SNX8: variants seen among roughly 807,000 people sequenced by gnomAD.
SNX8 encodes the protein sorting nexin-8.
In SNX8, 25 loss-of-function variants were observed where a neutral mutation model predicts 51.6. That is an observed-to-expected ratio of 0.48 (90% confidence interval 0.35 to 0.68). The LOEUF (loss-of-function observed/expected upper bound fraction) is 0.68. SNX8 is among the 30% of genes least tolerant of loss of function. The pLI is 0.00. For missense variants in SNX8, 695 were observed against 624.0 expected, an observed-to-expected ratio of 1.11 and a Z score of -1.21; for synonymous variants, 324 against 277.0, an observed-to-expected ratio of 1.17 and a Z score of -1.68.
intron 5 of SNX8, among the ~76,000 whole-genome samples, chr7:2,268,205 G>A (rs1358449671): frequency 7.0e-6 from 1 of 143,490 alleles, no homozygotes; most frequent in African/African-American, 2.7e-5. Flanking sequence ...CCCCATCTGG[G>A]ATGTGAGGAG....
chr7:2,313,529 A>G (rs1360139158), intron 1 of SNX8, among the ~76,000 whole-genome samples: 20 of 117,980 alleles, frequency 1.7e-4, no homozygotes, highest in East Asian at 4.6e-4. Context: ...GTCTCAAAAA[A>G]AAAAAAAAAA....
chr7:2,321,289 G>T (rs958972555), intron 1 of SNX8, among the ~76,000 whole-genome samples: 1 of 152,144 alleles, frequency 6.6e-6, no homozygotes, highest in African/African-American at 2.4e-5. Context: ...TTCATACATC[G>T]TCAGCTCCGC....
At chr7:2,343,707 C>T (rs1778972810) in intron 1 of SNX8, among the ~76,000 whole-genome samples, 1 of 151,584 alleles carries the variant, frequency 6.6e-6, no homozygotes, top group Non-Finnish European at 1.5e-5. Flanking sequence ...GATTATCTTC[C>T]CACTGTAGAA....
exon 1 of SNX8, chr7:2,354,223 T>C (rs752330254): frequency 4.6e-5 from 7 of 152,234 alleles, no homozygotes; most frequent in African/African-American, 7.2e-5. Context: ...CTTCCATACA[T>C]TTTTGTATCG....
chr7:2,283,271 C>CT (rs1554263953), intron 1 of SNX8, among the ~76,000 whole-genome samples: 2 of 152,268 alleles, frequency 1.3e-5, no homozygotes, highest in Non-Finnish European at 2.9e-5. Context: ...GGGACAGACA[C>CT]TGGAGGGTCC....
chr7:2,294,619 T>G (rs1796230793), intron 1 of SNX8, among the ~76,000 whole-genome samples: 1 of 152,062 alleles, frequency 6.6e-6, no homozygotes, highest in South Asian at 2.1e-4. Context: ...GAGCCTAGGC[T>G]CCCTCCCTGG....
intron 1 of SNX8, among the ~76,000 whole-genome samples, chr7:2,308,780 ATTTTT>A (rs755533735): frequency 7.4e-6 from 1 of 136,046 alleles, no homozygotes; most frequent in Non-Finnish European, 1.6e-5. Flanking sequence ...AAATGAACAA[ATTTTT>A]TTTTTTTTTT....
chr7:2,304,572 G>C (rs1796505387), intron 1 of SNX8, among the ~76,000 whole-genome samples: 1 of 151,998 alleles, frequency 6.6e-6, no homozygotes, highest in Non-Finnish European at 1.5e-5. Flanking sequence ...ATCTCCCCAA[G>C]GACAGGGGCA....
chr7:2,264,799 C>T (rs2115104313), intron 5 of SNX8, among the ~76,000 whole-genome samples: 1 of 152,058 alleles, frequency 6.6e-6, no homozygotes, highest in Non-Finnish European at 1.5e-5. Context: ...ACTTTGGAGG[C>T]TGAGGCAGGT....
chr7:2,326,842 A>C lies in SNX8; in HGVS notation c.-66+27380T>G, dbSNP rs186317316. Among the ~76,000 whole-genome samples the C allele has an allele frequency of 1.1e-3, 166 of 152,204 alleles. 2 individuals are homozygous for C. Among genetic ancestry groups the C allele is most frequent in the African/African-American group, 3.8e-3 (158 of 41,530 alleles). On this transcript the variant is annotated intron_variant, in intron 1 of 5. Coordinates refer to the SNX8 transcript ENST00000435336. ...CGCCAGGGGCTGGGCACAGTGGCTC[A>C]CACCTATAATCCCAGCACTTTGGGA...
At chr7:2,302,414 C>A (rs1472987379) in intron 1 of SNX8, among the ~76,000 whole-genome samples, 1 of 152,234 alleles carries the variant, frequency 6.6e-6, no homozygotes, top group Non-Finnish European at 1.5e-5. Context: ...CTCAATGGTG[C>A]CCAGGCTGGA....
intron 1 of SNX8, among the ~76,000 whole-genome samples, chr7:2,312,203 G>A (rs1470666992): frequency 1.3e-5 from 2 of 151,950 alleles, no homozygotes; most frequent in Non-Finnish European, 2.9e-5. Context: ...AAGGGAGGGC[G>A]GTCTCCCAGA....
At chr7:2,316,277 TCACA>T (rs1796755431), upstream of SNX8, among the ~76,000 whole-genome samples, 1 of 132,314 alleles carries the variant, frequency 7.6e-6, no homozygotes, top group African/African-American at 2.9e-5. Flanking sequence ...CTGAATTCAT[TCACA>T]CAACCACTCA....
chr7:2,327,703 G>C (rs1353985649), intron 1 of SNX8, among the ~76,000 whole-genome samples: 1 of 147,220 alleles, frequency 6.8e-6, no homozygotes, highest in African/African-American at 2.5e-5. Flanking sequence ...CATCGCACCC[G>C]GCCTAATTTT....
chr7:2,298,600 C>G (rs1796324308), intron 1 of SNX8, among the ~76,000 whole-genome samples: 2 of 151,686 alleles, frequency 1.3e-5, no homozygotes, highest in South Asian at 4.2e-4. Context: ...GAACTCCTAA[C>G]CTCAGGTGAT....
intron 1 of SNX8, among the ~76,000 whole-genome samples, chr7:2,324,002 C>T (rs915452758): frequency 6.6e-6 from 1 of 151,958 alleles, no homozygotes; most frequent in Non-Finnish European, 1.5e-5. Context: ...TGCTTCTAGT[C>T]CCAGCTACTT....
At chr7:2,304,263 G>A (rs1011707943) in intron 1 of SNX8, among the ~76,000 whole-genome samples, 16 of 151,916 alleles carry the variant, frequency 1.1e-4, no homozygotes, top group Non-Finnish European at 1.9e-4. Flanking sequence ...CCATCTCCCC[G>A]GCCGGGCACG....
chr7:2,292,062 G>A (rs1306365854), intron 1 of SNX8, among the ~76,000 whole-genome samples: 3 of 152,158 alleles, frequency 2.0e-5, no homozygotes, highest in Non-Finnish European at 2.9e-5. Flanking sequence ...TCAGGAGTTC[G>A]ACACCAGCCT....
At chr7:2,312,888 G>A (rs939573633) in intron 1 of SNX8, among the ~76,000 whole-genome samples, 2 of 151,818 alleles carry the variant, frequency 1.3e-5, no homozygotes, top group African/African-American at 2.4e-5. Flanking sequence ...GTTTAGCCTC[G>A]TTTGTTTTGT....
Sources: gnomAD v4.1 joint callset for allele counts (sites outside exome capture counted in the v4.1 genomes callset) on GRCh38, gnomAD v4.1.1 for gene constraint, MANE v1.5 for transcripts, NCBI Gene and HGNC (gene_info 2026-07-23, HGNC 2026-07-21) for gene names.